The following PIP5K1B variants were observed in gnomAD, a reference collection of about 807,000 sequenced individuals.
PIP5K1B encodes phosphatidylinositol 4-phosphate 5-kinase type-1 beta.
PIP5K1B carries 42 observed loss-of-function variants against 67.0 expected under a neutral mutation model. That is an observed-to-expected ratio of 0.63 (90% CI 0.49 to 0.81). The LOEUF (loss-of-function observed/expected upper bound fraction) is 0.81, where lower values mean the gene tolerates loss of function less well. PIP5K1B is among the 30% of genes least tolerant of loss of function. The pLI is 0.00. For missense variants in PIP5K1B, 459 were observed against 646.3 expected, an observed-to-expected ratio of 0.71 and a Z score of 3.14; for synonymous variants, 214 against 231.4, an observed-to-expected ratio of 0.92 and a Z score of 0.68.
At chr9:68,995,224 G>T (rs10746986) in intron 15 of PIP5K1B, among the ~76,000 whole-genome samples, 44,244 of 119,760 alleles carry the variant, frequency 0.37, 7,274 homozygotes, top group Non-Finnish European at 0.44. Context: ...AGGGAGGGGA[G>T]GGGAGAAAGA....
chr9:68,844,202 A>G (rs1320502480), intron 4 of PIP5K1B, among the ~76,000 whole-genome samples: 2 of 152,230 alleles, frequency 1.3e-5, no homozygotes, highest in African/African-American at 4.8e-5. Context: ...TTCATTCAAT[A>G]TCATCTACTC....
At chr9:68,863,055 C>T (rs1476502980) in intron 4 of PIP5K1B, among the ~76,000 whole-genome samples, 1 of 152,114 alleles carries the variant, frequency 6.6e-6, no homozygotes, top group Non-Finnish European at 1.5e-5. Flanking sequence ...TACATCCATT[C>T]ATGTCAGGGT....
At chr9:68,844,756 A>G (rs973596385) in intron 4 of PIP5K1B, among the ~76,000 whole-genome samples, 1 of 152,254 alleles carries the variant, frequency 6.6e-6, no homozygotes, top group Non-Finnish European at 1.5e-5. Flanking sequence ...GCAGCAGCCC[A>G]GCCTCTACCC....
At chr9:68,784,611 G>T in intron 2 of PIP5K1B, 1 of 167,076 alleles carries the variant, frequency 6.0e-6, no homozygotes. Flanking sequence ...TGAGGAAAGT[G>T]AGTCTGAGAA....
At chr9:68,925,266 A>G (rs1168063703) in intron 12 of PIP5K1B, among the ~76,000 whole-genome samples, 1 of 152,148 alleles carries the variant, frequency 6.6e-6, no homozygotes, top group Non-Finnish European at 1.5e-5. Flanking sequence ...ATTTCTTTAG[A>G]ATGGATTCCA....
intron 2 of PIP5K1B, among the ~76,000 whole-genome samples, chr9:68,756,453 T>C (rs1320058839): frequency 1.3e-5 from 2 of 152,242 alleles, no homozygotes; most frequent in Non-Finnish European, 2.9e-5. Flanking sequence ...AGGTCATCTG[T>C]AAATTAACAG....
chr9:68,855,910 C>A lies in PIP5K1B; in HGVS notation c.70-7927C>A, dbSNP rs147048975. ...TCAAGTTCTTTCCTGTATTAATTTT[C>A]TATTGCTTCTATAACAAATTACTAC... On this transcript the variant is annotated intron_variant, in intron 4 of 15. Coordinates refer to ENST00000265382, the MANE Select transcript of PIP5K1B (RefSeq NM_003558.4). Among the ~76,000 whole-genome samples the A allele has an allele frequency of 6.0e-3, 919 of 152,278 alleles. 10 individuals are homozygous for A. Among genetic ancestry groups the A allele is most frequent in the African/African-American group, 0.021 (882 of 41,560 alleles).
At chr9:68,881,476 G>A (rs914693287) in intron 6 of PIP5K1B, among the ~76,000 whole-genome samples, 30 of 152,200 alleles carry the variant, frequency 2.0e-4, no homozygotes, top group Non-Finnish European at 2.5e-4. Context: ...AAGATACAGT[G>A]AGTTAAGTTG....
At chr9:68,982,491 T>C (rs1465744492) in intron 14 of PIP5K1B, among the ~76,000 whole-genome samples, 1 of 152,186 alleles carries the variant, frequency 6.6e-6, no homozygotes, top group African/African-American at 2.4e-5. Flanking sequence ...GCACGGTGGC[T>C]CACGCCTGTA....
chr9:68,707,388 C>A lies in PIP5K1B; in HGVS notation c.-243+1626C>A, dbSNP rs537261448. ...ATTTCTGAGGGAGGCAGGGCAAAGA[C>A]TTTTTACCATGTAAACACAGAAGGA... On this transcript the variant is annotated intron_variant, in intron 1 of 15. Transcript: ENST00000265382. 2.0e-5 allele frequency among the ~76,000 whole-genome samples: 3 copies of A among 152,258 alleles called. No homozygotes were observed. The South Asian group carries it at 6.2e-4, about 32-fold the overall frequency.
Position 69,008,445 on chromosome 9 carries a change from A to C in PIP5K1B, c.1621-2A>C. On this transcript the variant is annotated splice_acceptor_variant, in intron 15 of 15. Transcript: ENST00000265382. LOFTEE classifies it high-confidence loss of function. ...TCACACCTGCTTTTTTGCTCCCCCCAGTAAGTGAAAATGGTGATCACCTAA... is the reference window on the plus strand; with the variant it reads ...TCACACCTGCTTTTTTGCTCCCCCCCGTAAGTGAAAATGGTGATCACCTAA... 6.2e-7 allele frequency: 1 copy of C among 1,613,890 alleles called. No individual in the cohort carries two copies. The highest frequency in any genetic ancestry group is 1.3e-5 in the African/African-American group (1 of 75,040).
At chr9:68,807,817 A>G (rs1282289171) in intron 2 of PIP5K1B, among the ~76,000 whole-genome samples, 1 of 152,252 alleles carries the variant, frequency 6.6e-6, no homozygotes, top group East Asian at 1.9e-4. Context: ...GACAAAAAGC[A>G]TAAGCTGGTG....
In PIP5K1B at chr9:68,963,640, GATA is replaced by G. The variant is rs529680620; in HGVS notation, c.1502+22853_1502+22855del. On this transcript the variant is annotated intron_variant, in intron 14 of 15. Transcript: ENST00000265382. ...AGACACGTTTGATGTCCCTGCCAAT[GATA>G]ATTTGCTTTGGTTCAGCTGTTACGG... Among the ~76,000 whole-genome samples, 35 of 152,302 alleles carry G rather than the reference GATA, an allele frequency of 2.3e-4. No individual in the cohort carries two copies. The South Asian group carries it at 7.0e-3, about 31-fold the overall frequency.
rs28663505 is a variant in PIP5K1B, at chr9:68,796,080, G to T, written c.-85-22381G>T. ...CCATTGTTTGCACTTCATGTATATT[G>T]TTCCAGGCTTTTTCTATGTCTAAAT... On this transcript the variant is annotated intron_variant, in intron 2 of 15. Coordinates refer to ENST00000265382, the MANE Select transcript of PIP5K1B (RefSeq NM_003558.4). Among the ~76,000 whole-genome samples the T allele has an allele frequency of 3.7e-3, 566 of 152,302 alleles. 1 individual carries two copies. Among genetic ancestry groups the T allele is most frequent in the African/African-American group, 0.013 (547 of 41,574 alleles).
intron 6 of PIP5K1B, among the ~76,000 whole-genome samples, chr9:68,879,714 C>T (rs1824076167): frequency 6.6e-6 from 1 of 151,994 alleles, no homozygotes; most frequent in Non-Finnish European, 1.5e-5. Context: ...AAGATAAATG[C>T]TTGAGGTGAT....
intron 4 of PIP5K1B, among the ~76,000 whole-genome samples, chr9:68,863,538 G>A (rs907408816): frequency 2.1e-4 from 32 of 152,172 alleles, no homozygotes; most frequent in Non-Finnish European, 2.6e-4. Flanking sequence ...TCCCCATGCT[G>A]TATGTTTTAG....
chr9:68,839,131 G>C (rs1373726420), intron 4 of PIP5K1B, among the ~76,000 whole-genome samples: 1 of 152,104 alleles, frequency 6.6e-6, no homozygotes, highest in Non-Finnish European at 1.5e-5. Flanking sequence ...TTTGGCAGAG[G>C]GGAAAAAGCT....
chr9:68,778,764 A>G (rs1831053136), intron 2 of PIP5K1B, among the ~76,000 whole-genome samples: 2 of 152,178 alleles, frequency 1.3e-5, no homozygotes, highest in Non-Finnish European at 2.9e-5. Flanking sequence ...CATATTCAGA[A>G]TGAGATCCAA....
intron 4 of PIP5K1B, among the ~76,000 whole-genome samples, chr9:68,850,590 A>G (rs778870590): frequency 1.3e-5 from 2 of 152,220 alleles, no homozygotes; most frequent in Non-Finnish European, 2.9e-5. Flanking sequence ...ACAACCAGTA[A>G]CATCCGCTAT....
Sources: allele counts gnomAD v4.1 joint callset (sites outside exome capture counted in the v4.1 genomes callset), GRCh38; gene constraint gnomAD v4.1.1; transcripts MANE v1.5; gene names NCBI Gene and HGNC (gene_info 2026-07-23, HGNC 2026-07-21).